The following GRM5 variants were observed in gnomAD, a reference collection of about 807,000 sequenced individuals.
GRM5 encodes glutamate metabotropic receptor 5, also known as metabotropic glutamate receptor 5.
In GRM5, 19 loss-of-function variants were observed where a neutral mutation model predicts 83.1. The observed-to-expected ratio is 0.23, with a 90% confidence interval of 0.16 to 0.34. GRM5 has a LOEUF of 0.34. GRM5 is among the 10% of genes least tolerant of loss of function. The pLI, the probability that GRM5 is intolerant of heterozygous loss-of-function variation, is 1.00. For missense variants in GRM5, 1,160 were observed against 1,588.3 expected, an observed-to-expected ratio of 0.73 and a Z score of 4.58; for synonymous variants, 675 against 633.6, an observed-to-expected ratio of 1.07 and a Z score of -0.98.
intron 3 of GRM5, among the ~76,000 whole-genome samples, chr11:88,667,511 G>A (rs911168467): frequency 6.6e-6 from 1 of 152,084 alleles, no homozygotes; most frequent in African/African-American, 2.4e-5. Context: ...TGCAGGAAGT[G>A]AGAAAAAGAA....
At chr11:88,867,500 T>A (rs1208133064) in intron 2 of GRM5, among the ~76,000 whole-genome samples, 1 of 151,854 alleles carries the variant, frequency 6.6e-6, no homozygotes, top group Non-Finnish European at 1.5e-5. Flanking sequence ...CTTCTTAGTG[T>A]CATGTCAGAG....
At chr11:88,596,502 A>G (rs984068739) in intron 6 of GRM5, among the ~76,000 whole-genome samples, 2 of 152,124 alleles carry the variant, frequency 1.3e-5, no homozygotes, top group African/African-American at 4.8e-5. Flanking sequence ...TTTCTCTTTT[A>G]TAATAACCAT....
intron 3 of GRM5, among the ~76,000 whole-genome samples, chr11:88,743,477 C>T (rs10831342): frequency 0.061 from 9,311 of 152,142 alleles, 464 homozygotes; most frequent in Admixed American, 0.16. Context: ...TAATTTGCCT[C>T]ACTGCTGGAT....
At chr11:88,864,734 G>A (rs574201816) in intron 2 of GRM5, among the ~76,000 whole-genome samples, 1 of 152,110 alleles carries the variant, frequency 6.6e-6, no homozygotes, top group South Asian at 2.1e-4. Flanking sequence ...GGGCATCCTT[G>A]TCTTGTGCAG....
At chr11:88,896,067 G>C (rs1473925716) in intron 2 of GRM5, among the ~76,000 whole-genome samples, 2 of 152,010 alleles carry the variant, frequency 1.3e-5, no homozygotes, top group Admixed American at 6.6e-5. Context: ...GCCTATTAGA[G>C]AGAAGGTAAT....
chr11:88,617,637 G>A (rs1008933068), intron 4 of GRM5, among the ~76,000 whole-genome samples: 4 of 152,130 alleles, frequency 2.6e-5, no homozygotes, highest in African/African-American at 9.7e-5. Flanking sequence ...TAAGCGGTGG[G>A]TGCAAAGGCA....
At chr11:88,834,459 CTAA>C (rs1367966853) in intron 3 of GRM5, among the ~76,000 whole-genome samples, 2 of 152,138 alleles carry the variant, frequency 1.3e-5, no homozygotes, top group Non-Finnish European at 2.9e-5. Flanking sequence ...ATATTCTGAA[CTAA>C]TGACTGAATG....
chr11:89,061,134 G>T (rs1941983128), intron 1 of GRM5, among the ~76,000 whole-genome samples: 1 of 151,882 alleles, frequency 6.6e-6, no homozygotes, highest in Non-Finnish European at 1.5e-5. Context: ...TATAAAGTTG[G>T]TTTATACATG....
chr11:88,642,475 T>G (rs1939321472), intron 4 of GRM5, among the ~76,000 whole-genome samples: 1 of 152,212 alleles, frequency 6.6e-6, no homozygotes, highest in East Asian at 1.9e-4. Flanking sequence ...CTCCACAGCC[T>G]GCTTCAATTT....
intron 2 of GRM5, among the ~76,000 whole-genome samples, chr11:88,925,133 G>A (rs779934559): frequency 6.6e-6 from 1 of 151,880 alleles, no homozygotes; most frequent in Non-Finnish European, 1.5e-5. Flanking sequence ...ATGATCGATT[G>A]GCCTCAAGAT....
chr11:88,986,860 C>A (rs955402247), intron 2 of GRM5, among the ~76,000 whole-genome samples: 5 of 148,874 alleles, frequency 3.4e-5, no homozygotes, highest in Admixed American at 6.9e-5. Flanking sequence ...ACATTTAAGT[C>A]TTTAATCCAC....
intron 3 of GRM5, among the ~76,000 whole-genome samples, chr11:88,820,068 G>T (rs569886312): frequency 6.6e-6 from 1 of 151,884 alleles, no homozygotes; most frequent in Non-Finnish European, 1.5e-5. Flanking sequence ...AACTTTGGGG[G>T]ACATATTCAA....
At chr11:88,516,104 T>C (rs1941513729) in intron 9 of GRM5, among the ~76,000 whole-genome samples, 1 of 152,244 alleles carries the variant, frequency 6.6e-6, no homozygotes, top group Non-Finnish European at 1.5e-5. Context: ...ATGCTACATG[T>C]ATCTCCTGTG....
At chr11:88,525,038 G>A (rs1941832212) in intron 9 of GRM5, among the ~76,000 whole-genome samples, 1 of 152,158 alleles carries the variant, frequency 6.6e-6, no homozygotes, top group African/African-American at 2.4e-5. Context: ...TTAAAACCCA[G>A]AGGAGGACTG....
intron 2 of GRM5, among the ~76,000 whole-genome samples, chr11:88,930,484 A>G (rs675010): frequency 0.47 from 71,039 of 151,952 alleles, 17,672 homozygotes; most frequent in African/African-American, 0.63. Flanking sequence ...AGCAACTTTT[A>G]TCATGTGGCC....
At chr11:88,723,598 T>G (rs1452753663) in intron 3 of GRM5, among the ~76,000 whole-genome samples, 1 of 151,920 alleles carries the variant, frequency 6.6e-6, no homozygotes, top group East Asian at 1.9e-4. Flanking sequence ...GCTACATGAG[T>G]TCTACAAAAG....
chr11:89,021,238 A>C (rs1468670328), intron 2 of GRM5, among the ~76,000 whole-genome samples: 3 of 152,222 alleles, frequency 2.0e-5, no homozygotes, highest in Non-Finnish European at 4.4e-5. Flanking sequence ...TGCTTCCCTC[A>C]ATGTAATAAA....
At chr11:88,948,665 C>G (rs1420694494) in intron 2 of GRM5, among the ~76,000 whole-genome samples, 4 of 152,178 alleles carry the variant, frequency 2.6e-5, no homozygotes, top group Non-Finnish European at 5.9e-5. Context: ...AGCTAACATG[C>G]ACACACCCTT....
chr11:88,801,761 G>A (rs1216680817), intron 3 of GRM5, among the ~76,000 whole-genome samples: 3 of 152,024 alleles, frequency 2.0e-5, no homozygotes. Flanking sequence ...AGGCACATTT[G>A]CTTCAAAGGC....
Sources: gnomAD v4.1 joint callset for allele counts (sites outside exome capture counted in the v4.1 genomes callset) on GRCh38, gnomAD v4.1.1 for gene constraint, MANE v1.5 for transcripts, NCBI Gene and HGNC (gene_info 2026-07-23, HGNC 2026-07-21) for gene names.